CDKL1: variants seen among roughly 807,000 people sequenced by gnomAD.
The protein encoded by CDKL1 is cyclin-dependent kinase-like 1.
In CDKL1, 41 loss-of-function variants were observed where a neutral mutation model predicts 42.0. The ratio of observed to expected loss-of-function variants is 0.98; its 90% CI spans 0.76 to 1.27. The LOEUF (loss-of-function observed/expected upper bound fraction) is 1.27. Among genes scored for constraint, CDKL1 ranks in the 50% most tolerant of loss-of-function variants. The pLI is 0.00. For missense variants in CDKL1, 394 were observed against 428.4 expected, an observed-to-expected ratio of 0.92 and a Z score of 0.71; for synonymous variants, 153 against 158.6, an observed-to-expected ratio of 0.96 and a Z score of 0.26.
intron 8 of CDKL1, chr14:50,332,668 T>G (rs907803075): frequency 1.6e-5 from 25 of 1,533,490 alleles, no homozygotes; most frequent in Non-Finnish European, 2.1e-5. Context: ...CCTTATTCTG[T>G]TCTTGAAGCA....
chr14:50,356,366 C>G (rs2034056827), intron 3 of CDKL1, among the ~76,000 whole-genome samples: 1 of 152,176 alleles, frequency 6.6e-6, no homozygotes, highest in Non-Finnish European at 1.5e-5. Context: ...ATAATGCTAA[C>G]TCACCTTTAC....
At chr14:50,380,308 C>A in intron 2 of CDKL1, 1 of 488,890 alleles carries the variant, frequency 2.0e-6, no homozygotes. Flanking sequence ...GATGCCCATG[C>A]TAACCCCCTC....
rs1447507274 is a variant in CDKL1, at chr14:50,328,541, C to T, written c.*1533G>A. ...TAGAGTGAAATACAACTTTGAAGAC[C>T]ATGGCTGAGAAGTGCTAGGAATAGT... On this transcript the variant is annotated 3_prime_UTR_variant, in exon 10 of 10. Transcript: ENST00000395834. The T allele has an allele frequency of 2.0e-5, 3 of 152,134 alleles. No homozygotes were observed. The highest frequency in any genetic ancestry group is 7.2e-5 in the African/African-American group (3 of 41,418). The allele number at this position is 152,134 out of a possible 1,614,324, so 9.4% of individuals were successfully genotyped here.
intron 8 of CDKL1, chr14:50,334,053 C>T (rs1326277068): frequency 6.6e-6 from 1 of 151,904 alleles, no homozygotes; most frequent in Non-Finnish European, 1.5e-5. Flanking sequence ...TAAATTTAGA[C>T]TTCAAATATA....
At chr14:50,341,837 C>G (rs998283322) in intron 5 of CDKL1, among the ~76,000 whole-genome samples, 2 of 151,410 alleles carry the variant, frequency 1.3e-5, no homozygotes, top group African/African-American at 4.9e-5. Context: ...AGGTTGAAAG[C>G]CACTATTCTA....
At chr14:50,332,899 G>A (rs1404929429) in intron 8 of CDKL1, 5 of 346,978 alleles carry the variant, frequency 1.4e-5, no homozygotes, top group Non-Finnish European at 2.5e-5. Flanking sequence ...TCTAAAATCA[G>A]CTACTTTTTT....
intron 2 of CDKL1, among the ~76,000 whole-genome samples, chr14:50,372,182 C>T (rs917830376): frequency 1.3e-5 from 2 of 152,062 alleles, no homozygotes; most frequent in East Asian, 1.9e-4. Context: ...GGAGAGATCT[C>T]GGCTCACTGC....
chr14:50,356,982 A>T (rs1242984625), intron 3 of CDKL1: 3 of 151,992 alleles, frequency 2.0e-5, no homozygotes, highest in Non-Finnish European at 4.4e-5. Flanking sequence ...ATTGCTTTTG[A>T]CTCCCACAAA....
intron 3 of CDKL1, among the ~76,000 whole-genome samples, chr14:50,347,189 GTT>G (rs2033755268): frequency 6.6e-6 from 1 of 152,068 alleles, no homozygotes; most frequent in Non-Finnish European, 1.5e-5. Context: ...TCTTTACTCA[GTT>G]TCTTTTCTGT....
At chr14:50,393,554 C>T (rs2035318404) in intron 2 of CDKL1, among the ~76,000 whole-genome samples, 1 of 152,188 alleles carries the variant, frequency 6.6e-6, no homozygotes, top group South Asian at 2.1e-4. Context: ...TCATAGCTCA[C>T]CATAGCCTTG....
In CDKL1 at chr14:50,326,806, T is replaced by G. The variant is rs2032722179; in HGVS notation, c.*3268A>C. The G allele has an allele frequency of 1.0e-6, 1 of 953,854 alleles. No individual in the cohort carries two copies. The highest frequency in any genetic ancestry group is 1.8e-5 in the African/African-American group (1 of 56,556). The allele number at this position is 953,854 out of a possible 1,614,324, so 59.1% of individuals were successfully genotyped here. ...CTGTAATCCCAGTGCTTTGGGAGGC[T>G]GAGGTGGGAGGATCACTTGAGACCA... On this transcript the variant is annotated 3_prime_UTR_variant, in exon 10 of 10. Coordinates refer to ENST00000395834, the MANE Select transcript of CDKL1 (RefSeq NM_004196.7).
At chr14:50,370,250 G>C (rs1566599357) in intron 2 of CDKL1, among the ~76,000 whole-genome samples, 3 of 151,960 alleles carry the variant, frequency 2.0e-5, no homozygotes, top group African/African-American at 7.2e-5. Context: ...TGTATTTTTA[G>C]TAAAGACAAA....
At position 50,396,078 on chromosome 14, in the gene CDKL1, C is replaced by T. The variant is rs549170077; in HGVS notation, c.-210G>A. On this transcript the variant is annotated 5_prime_UTR_variant, in exon 2 of 10. Transcript: ENST00000395834. ...ATGGGCGCCCGTAGTCCCAGCAACT[C>T]AGGAGACTGAGGCAGGAGAATCGCG... 1.1e-5 allele frequency: 12 copies of T among 1,119,620 alleles called. No homozygotes were observed. In the South Asian group the frequency reaches 1.6e-4, roughly 15 times the overall value. The allele number at this position is 1,119,620 out of a possible 1,614,324, so 69.4% of individuals were successfully genotyped here. A position where few individuals can be genotyped will look rare whatever the true frequency, so the allele number is the denominator to read the frequency against.
At chr14:50,341,294 G>C in intron 5 of CDKL1, 62 bp from the exon 6 acceptor site, 2 of 1,524,730 alleles carry the variant, frequency 1.3e-6, no homozygotes, top group Admixed American at 4.1e-5. Context: ...AAACTGAGGG[G>C]GAGATCTCAG....
intron 2 of CDKL1, among the ~76,000 whole-genome samples, chr14:50,373,900 T>C (rs1333847701): frequency 2.0e-5 from 3 of 152,164 alleles, no homozygotes; most frequent in African/African-American, 7.2e-5. Context: ...ATCTATACCA[T>C]ATGAGCCAGT....
chr14:50,387,450 G>C (rs151293579), intron 2 of CDKL1, among the ~76,000 whole-genome samples: 4 of 152,100 alleles, frequency 2.6e-5, no homozygotes, highest in Non-Finnish European at 5.9e-5. Context: ...TTGAGCCTGG[G>C]AGGCAGAGGT....
In CDKL1 at chr14:50,396,192, A is replaced by C. The variant is rs1414314131; in HGVS notation, c.-324T>G. On this transcript the variant is annotated 5_prime_UTR_variant, in exon 2 of 10. Coordinates refer to ENST00000395834, the MANE Select transcript of CDKL1 (RefSeq NM_004196.7). ...CAGAGCGAGATTCCGTCTCAAAAAAAAAAAAAAAAAAAAAAAAAAAAGAAA... is the reference window on the plus strand; with the variant it reads ...CAGAGCGAGATTCCGTCTCAAAAAACAAAAAAAAAAAAAAAAAAAAAGAAA... The C allele has an allele frequency of 1.6e-5, 7 of 437,578 alleles. No individual in the cohort carries two copies. Among genetic ancestry groups the C allele is most frequent in the Middle Eastern group, 9.3e-4 (1 of 1,070 alleles). 27.1% of individuals were successfully genotyped at this position (437,578 alleles called of 1,614,324 possible).
chr14:50,335,921 GA>G (rs112444859), intron 7 of CDKL1: 908 of 1,250,438 alleles, frequency 7.3e-4, no homozygotes, highest in East Asian at 2.5e-3. Context: ...GTCAACAGGA[GA>G]AAAAAAAAAT....
At chr14:50,369,805 G>C (rs1352402482) in intron 2 of CDKL1, among the ~76,000 whole-genome samples, 1 of 151,806 alleles carries the variant, frequency 6.6e-6, no homozygotes, top group Non-Finnish European at 1.5e-5. Flanking sequence ...TTTTAGTAGA[G>C]ACAGGGTTTC....
Sources: gnomAD v4.1 joint callset for allele counts (sites outside exome capture counted in the v4.1 genomes callset) on GRCh38, gnomAD v4.1.1 for gene constraint, MANE v1.5 for transcripts, NCBI Gene and HGNC (gene_info 2026-07-23, HGNC 2026-07-21) for gene names.